LTBP3: variants seen among roughly 807,000 people sequenced by gnomAD.
LTBP3 encodes latent transforming growth factor beta binding protein 3.
LTBP3 carries 97 observed loss-of-function variants against 159.7 expected under a neutral mutation model. The ratio of observed to expected loss-of-function variants is 0.61; its 90% CI spans 0.52 to 0.72. The LOEUF is 0.72. LTBP3 is among the 30% of genes least tolerant of loss of function. The pLI is 0.00. For missense variants in LTBP3, 1,584 were observed against 1,864.3 expected, an observed-to-expected ratio of 0.85 and a Z score of 2.77; for synonymous variants, 824 against 777.1, an observed-to-expected ratio of 1.06 and a Z score of -1.00.
chr11:65,546,904 C>A lies in LTBP3; in HGVS notation c.2124G>T (p.Arg708=). Residue 708 remains arginine, a synonymous_variant, in exon 15 of 28, where the codon CGG becomes CGT. Coordinates refer to ENST00000301873, the MANE Select transcript of LTBP3 (RefSeq NM_001130144.3). The surrounding 1 kb of genome is among the most constrained non-coding windows in gnomAD (Gnocchi z 4.0). ...PPVCEDIDEC[R]DPSSCPDGKC... is the part of the protein sequence containing the mutation. ...TGCCATCCGGGCAAGAGCTTGGGTC[C>A]CGGCACTCGTCGATGTCTGCACGGG... 3 of 1,612,402 alleles carry A rather than the reference C, an allele frequency of 1.9e-6. No homozygotes were observed. The highest frequency in any genetic ancestry group is 2.5e-6 in the Non-Finnish European group (3 of 1,179,984).
In LTBP3 at chr11:65,539,318, C is replaced by T. The variant is rs766632361; in HGVS notation, c.3760+10G>A. 28 of 1,510,994 alleles carry T rather than the reference C, an allele frequency of 1.9e-5. No individual in the cohort carries two copies. Among genetic ancestry groups the T allele is most frequent in the Non-Finnish European group, 2.3e-5 (26 of 1,126,316 alleles). The allele number at this position is 1,510,994 out of a possible 1,614,324, so 93.6% of individuals were successfully genotyped here. ...CCCGCCCCTGCCCCCACCCCCGAAG[C>T]CCGGCTCACCCACGCAGCGGGCGCG... On this transcript the variant is annotated intron_variant, in intron 27 of 27. Transcript: ENST00000301873.
rs147143573 is a variant in LTBP3 at position 65,543,430 on chromosome 11, C to G, written c.2473G>C (p.Glu825Gln). ...CCCCAGCTCTAAGATCCCTCACCCT[C>G]GCAGTGGCTCCGGTCCCTGGACAGA... ...YHLSRDRSHC[E>Q]DIDECDFPAA... Residue 825 changes from glutamate to glutamine, a missense_variant, in exon 17 of 28, where the codon GAG becomes CAG. Coordinates refer to ENST00000301873, the MANE Select transcript of LTBP3 (RefSeq NM_001130144.3). 1.2e-6 allele frequency: 2 copies of G among 1,614,054 alleles called. No individual in the cohort carries two copies. The highest frequency in any genetic ancestry group is 1.7e-6 in the Non-Finnish European group (2 of 1,179,990).
chr11:65,543,063 C>G, intron 18 of LTBP3, 42 bp downstream of exon 18: 1 of 1,611,982 alleles, frequency 6.2e-7, no homozygotes, highest in South Asian at 1.1e-5. Context: ...AATTACTGCT[C>G]CCTGCCACAT....
At chr11:65,545,771 A>T (rs1293417189) in intron 16 of LTBP3, 1 of 196,246 alleles carries the variant, frequency 5.1e-6, no homozygotes, top group Non-Finnish European at 1.1e-5. Context: ...GTGCCCTCTA[A>T]CACCTTCTGG....
In LTBP3 at chr11:65,546,837, G is replaced by A; in HGVS notation, c.2191C>T (p.Gln731Ter). The A allele has an allele frequency of 6.2e-7, 1 of 1,610,080 alleles. No individual in the cohort carries two copies. Among genetic ancestry groups the A allele is most frequent in the Non-Finnish European group, 8.5e-7 (1 of 1,179,790 alleles). The change falls in exon 15 of 28, where the codon CAG becomes TAG. Residue 731 changes from glutamine (Q) to a stop codon, truncating the protein, a stop_gained. Transcript: ENST00000301873. LOFTEE classifies it high-confidence loss of function. The surrounding 1 kb of genome is among the most constrained non-coding windows in gnomAD (Gnocchi z 4.0). Reference sequence around the variant, plus strand: ...CCCCCCTGGCTGCGGTAGCCAGGCTGACAGGCGATGCACTTGAAGCTCCCG... The same window carrying A: ...CCCCCCTGGCTGCGGTAGCCAGGCTAACAGGCGATGCACTTGAAGCTCCCG... The part of the protein sequence containing the change: ...KPGSFKCIAC[Q>*]PGYRSQGGGA...
At chr11:65,548,374 CCA>C in intron 11 of LTBP3, 1 of 576,860 alleles carries the variant, frequency 1.7e-6, no homozygotes, top group South Asian at 2.0e-5. Flanking sequence ...CCCAGTACTC[CCA>C]CCCAAGGGAC....
chr11:65,552,206 C>T lies in LTBP3; in HGVS notation c.1345+42G>A. 6.2e-7 allele frequency: 1 copy of T among 1,614,162 alleles called. No homozygotes were observed. Among genetic ancestry groups the T allele is most frequent in the South Asian group, 1.1e-5 (1 of 91,086 alleles). ...AAAGTGAGCATTTCCTGGACAGGTG[C>T]ATGGACCTATGAACCCCTATCCCCG... On this transcript the variant is annotated intron_variant, in intron 7 of 27. Transcript: ENST00000301873. This position sits in a 1 kb window ranked among gnomAD's most constrained non-coding sequence, Gnocchi z 6.0.
chr11:65,549,757 GAAAAA>G (rs752434010), intron 11 of LTBP3, among the ~76,000 whole-genome samples: 1 of 104,508 alleles, frequency 9.6e-6, no homozygotes, highest in Non-Finnish European at 1.8e-5. Flanking sequence ...CCCAGGCCGG[GAAAAA>G]AAAAAAAAAA....
In LTBP3 at chr11:65,539,864, G is replaced by A; in HGVS notation, c.3403C>T (p.Arg1135Cys). Reference sequence around the variant, plus strand: ...CCGCGCTGGCTCCAGCACACGTCGCGCCGCTCCGGGGCACGCTCTGCGGAA... The same window carrying A: ...CCGCGCTGGCTCCAGCACACGTCGCACCGCTCCGGGGCACGCTCTGCGGAA... The part of the protein sequence containing the change: ...ESPAERAPER[R>C]DVCWSQRGED... Residue 1135 changes from arginine (R) to cysteine (C), a missense_variant, in exon 25 of 28, where the codon CGC (arginine) becomes TGC (cysteine). Around this residue, in one of 6 missense-constraint regions of LTBP3, gnomAD observed 514 missense variants for 530.3 expected, o/e 0.97. Coordinates refer to ENST00000301873, the MANE Select transcript of LTBP3 (RefSeq NM_001130144.3). 6.6e-7 allele frequency: 1 copy of A among 1,516,494 alleles called. No homozygotes were observed. The highest frequency in any genetic ancestry group is 8.8e-7 in the Non-Finnish European group (1 of 1,139,532). The allele number at this position is 1,516,494 out of a possible 1,614,324, so 93.9% of individuals were successfully genotyped here.
In LTBP3 at chr11:65,539,906, G is replaced by A. The variant is rs369207441; in HGVS notation, c.3386-25C>T. ...TCTGCGGAAGACACCTGGCATCAGGGGAGGGGCCCAAGGCAGGAACCGCCC... is the reference window on the plus strand; with the variant it reads ...TCTGCGGAAGACACCTGGCATCAGGAGAGGGGCCCAAGGCAGGAACCGCCC... On this transcript the variant is annotated intron_variant, in intron 24 of 27. Coordinates refer to ENST00000301873, the MANE Select transcript of LTBP3 (RefSeq NM_001130144.3). 13,024 of 1,502,708 alleles carry A rather than the reference G, an allele frequency of 8.7e-3. 69 individuals carry two copies. The highest frequency in any genetic ancestry group is 0.011 in the Non-Finnish European group (12,062 of 1,132,926). The allele number at this position is 1,502,708 out of a possible 1,614,324, so 93.1% of individuals were successfully genotyped here.
Position 65,553,003 on chromosome 11 carries a change from G to A in LTBP3, c.1064-21C>T. On this transcript the variant is annotated intron_variant, in intron 5 of 27. Transcript: ENST00000301873. This position sits in a 1 kb window ranked among gnomAD's most constrained non-coding sequence, Gnocchi z 6.5. ...GATGTCTGTGGTAAGTGGAAGTTTG[G>A]CCCCTCTGGTCTGGGGCCATGGGGT... 14 of 1,614,156 alleles carry A rather than the reference G, an allele frequency of 8.7e-6. No individual in the cohort carries two copies. The highest frequency in any genetic ancestry group is 2.2e-5 in the South Asian group (2 of 91,084).
At position 65,553,129 on chromosome 11, in the gene LTBP3, C is replaced by T. The variant is rs370134376; in HGVS notation, c.1063+35G>A. 6 of 1,608,456 alleles carry T rather than the reference C, an allele frequency of 3.7e-6. No individual in the cohort carries two copies. The highest frequency in any genetic ancestry group is 1.3e-5 in the African/African-American group (1 of 74,776). ...CCACCCCCAGTGATGGCTGGCCTGCCCCTCCAGCCCACAGAATCTCCTAGC... is the reference window on the plus strand; with the variant it reads ...CCACCCCCAGTGATGGCTGGCCTGCTCCTCCAGCCCACAGAATCTCCTAGC... On this transcript the variant is annotated intron_variant, in intron 5 of 27. Coordinates refer to ENST00000301873, the MANE Select transcript of LTBP3 (RefSeq NM_001130144.3). This position sits in a 1 kb window ranked among gnomAD's most constrained non-coding sequence, Gnocchi z 6.5.
At position 65,552,513 on chromosome 11, in the gene LTBP3, C is replaced by A. The variant is rs1565099749; in HGVS notation, c.1187-107G>T. ...TCTCCGGCCCAGACAACCCTTGATC[C>A]CCCATGTGGTCTCTGACCCCATATG... On this transcript the variant is annotated intron_variant, in intron 6 of 27. Transcript: ENST00000301873. The surrounding 1 kb of genome is among the most constrained non-coding windows in gnomAD (Gnocchi z 6.0). 1 of 1,408,776 alleles carries A rather than the reference C, an allele frequency of 7.1e-7. No homozygotes were observed. The highest frequency in any genetic ancestry group is 1.2e-5 in the South Asian group (1 of 82,296). 87.3% of individuals were successfully genotyped at this position (1,408,776 alleles called of 1,614,324 possible).
chr11:65,539,245 C>A lies in LTBP3; in HGVS notation c.3761-14G>T. On this transcript the variant is annotated splice_polypyrimidine_tract_variant and intron_variant, in intron 27 of 27. Transcript: ENST00000301873. ...ACTCGTCGATATCTGAAGGTGAGGG[C>A]GACAGGTGCGGCTTCGCTGAGCCTC... The A allele has an allele frequency of 6.6e-7, 1 of 1,524,734 alleles. No individual in the cohort carries two copies. The highest frequency in any genetic ancestry group is 8.8e-7 in the Non-Finnish European group (1 of 1,131,886). 94.5% of individuals were successfully genotyped at this position (1,524,734 alleles called of 1,614,324 possible). A position where few individuals can be genotyped will look rare whatever the true frequency, so the allele number is the denominator to read the frequency against.
Position 65,538,952 on chromosome 11 carries a change from C to G in LTBP3, c.*128G>C. 7.6e-7 allele frequency: 1 copy of G among 1,312,826 alleles called. No individual in the cohort carries two copies. Among genetic ancestry groups the G allele is most frequent in the South Asian group, 2.0e-5 (1 of 49,850 alleles). 81.3% of individuals were successfully genotyped at this position (1,312,826 alleles called of 1,614,324 possible). A position where few individuals can be genotyped will look rare whatever the true frequency, so the allele number is the denominator to read the frequency against. ...GGTAGGGGCGCCTCGGGTCTCAAGG[C>G]GCCGGGAGGGTCTGCGGGCCCTGAA... On this transcript the variant is annotated 3_prime_UTR_variant, in exon 28 of 28. Coordinates refer to ENST00000301873, the MANE Select transcript of LTBP3 (RefSeq NM_001130144.3).
chr11:65,538,657 GC>G lies in LTBP3; in HGVS notation c.*422del. The G allele has an allele frequency of 7.1e-7, 1 of 1,410,564 alleles. No homozygotes were observed. The highest frequency in any genetic ancestry group is 1.4e-5 in the South Asian group (1 of 73,524). The allele number at this position is 1,410,564 out of a possible 1,614,324, so 87.4% of individuals were successfully genotyped here. On this transcript the variant is annotated 3_prime_UTR_variant, in exon 28 of 28. Coordinates refer to ENST00000301873, the MANE Select transcript of LTBP3 (RefSeq NM_001130144.3). ...ATGTGAGCCCGGCCGGCCCAGCCAG[GC>G]CATCTCACGTGTACATAATCAGAGC...
chr11:65,543,011 G>A (rs1856219675), intron 18 of LTBP3, 94 bp downstream of exon 18: 2 of 1,511,510 alleles, frequency 1.3e-6, no homozygotes, highest in East Asian at 4.5e-5. Context: ...ATGGTTGGAT[G>A]GGTGGATGGA....
rs1341438336 is a variant in LTBP3 at position 65,557,912 on chromosome 11, G to A, written c.48C>T (p.Arg16=). ...GAAGGLAPEM[R]GAGAAGLLAL... ...CCAGCAGCCCCGCCGCCCCCGCCCC[G>A]CGCATCTCAGGGGCCAGGCCGCCAG... The change falls in exon 1 of 28, where the codon CGC becomes CGT. Residue 16 remains arginine, a synonymous_variant. Transcript: ENST00000301873. 4 of 1,262,338 alleles carry A rather than the reference G, an allele frequency of 3.2e-6. No individual in the cohort carries two copies. The highest frequency in any genetic ancestry group is 4.0e-6 in the Non-Finnish European group (4 of 994,154). The allele number at this position is 1,262,338 out of a possible 1,614,324, so 78.2% of individuals were successfully genotyped here.
chr11:65,541,594 ACT>A lies in LTBP3; in HGVS notation c.2725+4_2725+5del, dbSNP rs760683168. ...AGTCCGAGGGAGGAGCTGGGAGGAC[ACT>A]CACCCTCACAACCGTGCTGGTCCTG... is the stretch of plus-strand genomic sequence containing the variant. On this transcript the variant is annotated splice_donor_5th_base_variant and intron_variant, in intron 19 of 27. Transcript: ENST00000301873. The A allele has an allele frequency of 1.1e-5, 18 of 1,613,966 alleles. No individual in the cohort carries two copies. Among genetic ancestry groups the A allele is most frequent in the Non-Finnish European group, 1.4e-5 (17 of 1,179,936 alleles).
Sources: gnomAD v4.1 joint callset for allele counts (sites outside exome capture counted in the v4.1 genomes callset) on GRCh38, gnomAD v4.1.1 for gene constraint, gnomAD v4.1.1 regional missense constraint, Gnocchi (gnomAD v3.1) non-coding constraint, MANE v1.5 for transcripts, NCBI Gene and HGNC (gene_info 2026-07-23, HGNC 2026-07-21) for gene names.